MAGI2: variants seen among roughly 807,000 people sequenced by gnomAD.
MAGI2 encodes the protein membrane-associated guanylate kinase, WW and PDZ domain-containing protein 2.
A neutral mutation model predicts 133.3 loss-of-function variants in MAGI2; 35 were observed. The observed-to-expected ratio is 0.26, with a 90% CI of 0.20 to 0.35. The LOEUF is 0.35. Ranked by LOEUF, MAGI2 falls within the 10% of genes least tolerant of loss-of-function variation. The pLI, the probability that MAGI2 is intolerant of heterozygous loss-of-function variation, is 1.00. For synonymous variants in MAGI2, 729 were observed against 710.6 expected, an observed-to-expected ratio of 1.03 and a Z score of -0.41; for missense variants, 1,636 against 1,863.4, an observed-to-expected ratio of 0.88 and a Z score of 2.25.
intron 2 of MAGI2, among the ~76,000 whole-genome samples, chr7:78,892,675 T>C (rs1283183526): frequency 6.6e-6 from 1 of 152,200 alleles, no homozygotes; most frequent in Non-Finnish European, 1.5e-5. Context: ...TGGCTAGCCA[T>C]ATGTAGAAAG....
chr7:79,267,448 C>T (rs553561542), intron 1 of MAGI2, among the ~76,000 whole-genome samples: 1 of 152,294 alleles, frequency 6.6e-6, no homozygotes, highest in Admixed American at 6.5e-5. Flanking sequence ...ACAGCAAAAC[C>T]TAAGTGGGCT....
intron 1 of MAGI2, among the ~76,000 whole-genome samples, chr7:79,376,677 C>A (rs1017401801): frequency 6.6e-6 from 1 of 151,838 alleles, no homozygotes; most frequent in African/African-American, 2.4e-5. Flanking sequence ...TTTCATCATG[C>A]TACTCAGTAC....
intron 2 of MAGI2, among the ~76,000 whole-genome samples, chr7:78,704,844 G>A (rs1818469676): frequency 6.9e-6 from 1 of 144,074 alleles, no homozygotes; most frequent in Non-Finnish European, 1.5e-5. Flanking sequence ...GCAATGGCAT[G>A]ACCTTGGCTC....
intron 2 of MAGI2, among the ~76,000 whole-genome samples, chr7:78,857,401 G>A (rs1293817710): frequency 6.6e-6 from 1 of 152,144 alleles, no homozygotes. Context: ...GTCATAGATA[G>A]CTCTTACTAT....
chr7:79,080,591 G>A (rs1050760675), intron 1 of MAGI2, among the ~76,000 whole-genome samples: 2 of 152,008 alleles, frequency 1.3e-5, no homozygotes, highest in African/African-American at 2.4e-5. Context: ...TGTGCAATAT[G>A]CCTCATTATA....
chr7:79,110,609 T>C (rs1818848539), intron 1 of MAGI2, among the ~76,000 whole-genome samples: 1 of 152,180 alleles, frequency 6.6e-6, no homozygotes, highest in African/African-American at 2.4e-5. Context: ...TCATTTCAGT[T>C]GAGATTTTGG....
At chr7:78,691,830 C>T (rs1226482389) in intron 2 of MAGI2, among the ~76,000 whole-genome samples, 4 of 152,072 alleles carry the variant, frequency 2.6e-5, no homozygotes, top group African/African-American at 7.2e-5. Flanking sequence ...ATGCTGGATA[C>T]ATGTCATTAT....
chr7:78,657,875 A>G (rs1225030941), intron 2 of MAGI2, among the ~76,000 whole-genome samples: 1 of 151,978 alleles, frequency 6.6e-6, no homozygotes, highest in Non-Finnish European at 1.5e-5. Flanking sequence ...GACGTTAATC[A>G]TGGTGGAGGG....
chr7:78,393,310 C>A (rs996270583), intron 6 of MAGI2, among the ~76,000 whole-genome samples: 3 of 152,142 alleles, frequency 2.0e-5, no homozygotes, highest in Non-Finnish European at 4.4e-5. Context: ...GAATCTGGAG[C>A]TAGTGATGCA....
chr7:79,005,139 T>C (rs1807310514), intron 2 of MAGI2, among the ~76,000 whole-genome samples: 2 of 151,862 alleles, frequency 1.3e-5, no homozygotes, highest in South Asian at 4.1e-4. Flanking sequence ...TCCAGGTCAA[T>C]TAATCAGTAT....
intron 3 of MAGI2, among the ~76,000 whole-genome samples, chr7:78,557,849 C>T (rs753832375): frequency 2.0e-5 from 3 of 152,064 alleles, no homozygotes; most frequent in Non-Finnish European, 2.9e-5. Flanking sequence ...ATTTAAAATA[C>T]AATTGAACAT....
chr7:78,933,658 G>A (rs1231969408), intron 2 of MAGI2, among the ~76,000 whole-genome samples: 1 of 152,114 alleles, frequency 6.6e-6, no homozygotes, highest in Non-Finnish European at 1.5e-5. Context: ...CATGATAATA[G>A]TAATGTTGAA....
intron 2 of MAGI2, among the ~76,000 whole-genome samples, chr7:78,672,623 T>A (rs1814530412): frequency 6.6e-6 from 1 of 152,174 alleles, no homozygotes; most frequent in Non-Finnish European, 1.5e-5. Flanking sequence ...TCCACAGTTG[T>A]TTTTAGGAAA....
intron 9 of MAGI2, among the ~76,000 whole-genome samples, chr7:78,314,647 T>C (rs897666215): frequency 1.3e-5 from 2 of 152,184 alleles, no homozygotes; most frequent in African/African-American, 4.8e-5. Context: ...GAGTTGATTG[T>C]TTTTCAGCCT....
chr7:78,773,381 G>A (rs1825741264), intron 2 of MAGI2, among the ~76,000 whole-genome samples: 2 of 151,872 alleles, frequency 1.3e-5, no homozygotes, highest in East Asian at 1.9e-4. Context: ...ACTAACCCTA[G>A]CCAACTTTTC....
chr7:79,050,084 ATTTGCTTCT>A (rs905207878), intron 1 of MAGI2, among the ~76,000 whole-genome samples: 1 of 152,074 alleles, frequency 6.6e-6, no homozygotes, highest in African/African-American at 2.4e-5. Flanking sequence ...GGTGATTTAA[ATTTGCTTCT>A]TTCAGGGGCC....
chr7:78,594,468 G>GT (rs533051794), intron 3 of MAGI2, among the ~76,000 whole-genome samples: 359 of 151,718 alleles, frequency 2.4e-3, no homozygotes, highest in Middle Eastern at 0.014. Context: ...TTTTTTTGTT[G>GT]TTTTTTTTGA....
chr7:78,032,600 C>G (rs989912594), intron 21 of MAGI2, among the ~76,000 whole-genome samples: 1 of 152,140 alleles, frequency 6.6e-6, no homozygotes, highest in Non-Finnish European at 1.5e-5. Flanking sequence ...ATATTTCTGT[C>G]TCCATGGACC....
intron 9 of MAGI2, among the ~76,000 whole-genome samples, chr7:78,338,399 C>T (rs1043358059): frequency 6.6e-5 from 10 of 152,210 alleles, no homozygotes; most frequent in African/African-American, 2.4e-4. Flanking sequence ...CTCTATGAGG[C>T]CTTCCCTAAG....
Sources: allele counts gnomAD v4.1 joint callset (sites outside exome capture counted in the v4.1 genomes callset), GRCh38; gene constraint gnomAD v4.1.1; transcripts MANE v1.5; gene names NCBI Gene and HGNC (gene_info 2026-07-23, HGNC 2026-07-21).